The following PTPN21 variants were observed in gnomAD, a reference collection of about 807,000 sequenced individuals.
PTPN21 encodes tyrosine-protein phosphatase non-receptor type 21.
In PTPN21, 77 loss-of-function variants were observed where a neutral mutation model predicts 131.8. The observed-to-expected ratio is 0.58, with a 90% confidence interval of 0.49 to 0.71. PTPN21 has a LOEUF of 0.71. PTPN21 is among the 30% of genes least tolerant of loss of function. The pLI is 0.00. For missense variants in PTPN21, 1,552 were observed against 1,527.1 expected (o/e 1.02, Z -0.27); for synonymous variants, 715 against 621.3 (o/e 1.15, Z -2.24).
At chr14:88,496,922 GCTTA>G (rs2077926750) in intron 9 of PTPN21, among the ~76,000 whole-genome samples, 1 of 152,122 alleles carries the variant, frequency 6.6e-6, no homozygotes, top group African/African-American at 2.4e-5. Context: ...AGATATCAGT[GCTTA>G]CTTTCTCCCC....
chr14:88,468,133 G>A lies in PTPN21; in HGVS notation c.*4C>T. On this transcript the variant is annotated 3_prime_UTR_variant, in exon 19 of 19. Transcript: ENST00000556564. ...TGACTGGCCCCGTAAGAAATTGTGG[G>A]AGCTTAGATGAGCCTGGAGCTTTTC... 1.2e-6 allele frequency: 2 copies of A among 1,613,994 alleles called. No individual in the cohort carries two copies. Among genetic ancestry groups the A allele is most frequent in the African/African-American group, 1.3e-5 (1 of 75,048 alleles).
chr14:88,469,003 C>A lies in PTPN21; in HGVS notation c.3309G>T (p.Pro1103=), dbSNP rs150207988. Residue 1103 remains proline, a synonymous_variant, in exon 18 of 19, where the codon CCG becomes CCT. Coordinates refer to ENST00000556564, the MANE Select transcript of PTPN21 (RefSeq NM_007039.4). The surrounding 1 kb of genome is among the most constrained non-coding windows in gnomAD (Gnocchi z 4.3). The part of the protein sequence containing the change: ...STSDPQSPNP[P]LLVHCSAGVG... ...CCCCAGCACTGCAGTGGACCAACAA[C>A]GGAGGGTTGGGGCTTTGGGGATCAC... 9.3e-6 allele frequency: 15 copies of A among 1,614,162 alleles called. 1 individual carries two copies. In the South Asian group the frequency reaches 1.6e-4, roughly 18 times the overall value.
chr14:88,475,448 G>C (rs928430713), intron 13 of PTPN21, among the ~76,000 whole-genome samples: 3 of 152,128 alleles, frequency 2.0e-5, no homozygotes, highest in Non-Finnish European at 2.9e-5. Flanking sequence ...CAGAGGCCTG[G>C]GTTCACATCT....
chr14:88,491,086 A>AAT (rs1595364295), intron 10 of PTPN21, among the ~76,000 whole-genome samples: 1 of 152,202 alleles, frequency 6.6e-6, no homozygotes, highest in East Asian at 1.9e-4. Flanking sequence ...ACCATAAAGG[A>AAT]ATATTAAGTA....
chr14:88,541,447 CAAG>C (rs2078704252), intron 2 of PTPN21, among the ~76,000 whole-genome samples: 1 of 152,172 alleles, frequency 6.6e-6, no homozygotes, highest in Non-Finnish European at 1.5e-5. Flanking sequence ...GTGTATCTGA[CAAG>C]AAGAATGATA....
chr14:88,547,886 T>C (rs963660546), intron 2 of PTPN21, among the ~76,000 whole-genome samples: 2 of 152,276 alleles, frequency 1.3e-5, no homozygotes, highest in Admixed American at 1.3e-4. Flanking sequence ...CCCTCTAACC[T>C]GGATCTCATG....
chr14:88,536,020 A>G (rs1025018436), intron 2 of PTPN21, among the ~76,000 whole-genome samples: 1 of 152,224 alleles, frequency 6.6e-6, no homozygotes, highest in African/African-American at 2.4e-5. Context: ...TTTCCTGATA[A>G]GAAACTTTAC....
In PTPN21 at chr14:88,469,386, G is replaced by GCT; in HGVS notation, c.3235+112_3235+113insAG. 2.1e-6 allele frequency: 2 copies of GCT among 970,852 alleles called. No homozygotes were observed. The highest frequency in any genetic ancestry group is 3.1e-6 in the Non-Finnish European group (2 of 653,234). The allele number at this position is 970,852 out of a possible 1,614,324, so 60.1% of individuals were successfully genotyped here. ...ACTTGTATTCTTTATGTTAAAACAA[G>GCT]TCCGAAGCTTATATGAGATAACATA... On this transcript the variant is annotated intron_variant, in intron 17 of 18. Coordinates refer to ENST00000556564, the MANE Select transcript of PTPN21 (RefSeq NM_007039.4). This position sits in a 1 kb window ranked among gnomAD's most constrained non-coding sequence, Gnocchi z 4.3.
rs1454668211 is a variant in PTPN21, at chr14:88,503,177, C to T, written c.587+1248G>A. On this transcript the variant is annotated intron_variant, in intron 6 of 18. Coordinates refer to ENST00000556564, the MANE Select transcript of PTPN21 (RefSeq NM_007039.4). The stretch of plus-strand genomic sequence containing the variant: ...CAGCCTTCTGAGTAGCTGAGACTAC[C>T]GGTGCATGCCACCACACCTGGCTAA... 4.0e-5 allele frequency among the ~76,000 whole-genome samples: 6 copies of T among 151,858 alleles called. No homozygotes were observed. The South Asian group carries it at 6.2e-4, about 16-fold the overall frequency.
At chr14:88,492,454 G>A (rs937933016) in intron 10 of PTPN21, among the ~76,000 whole-genome samples, 3 of 152,168 alleles carry the variant, frequency 2.0e-5, no homozygotes, top group African/African-American at 4.8e-5. Flanking sequence ...AAGAAAGCAG[G>A]TTCCTCCTCC....
rs78761178 is a variant in PTPN21 at position 88,550,903 on chromosome 14, A to G, written c.-202-284T>C. On this transcript the variant is annotated intron_variant, in intron 1 of 18. Transcript: ENST00000556564. ...GCACTACTATAATCCCAAATTTTGT[A>G]GTTAGTAATTGTGATCCTCTTCCTA... Among the ~76,000 whole-genome samples the G allele has an allele frequency of 5.9e-3, 902 of 152,324 alleles. 19 individuals carry two copies. The South Asian group carries it at 0.066, about 11-fold the overall frequency.
At chr14:88,517,433 T>C (rs2078290798) in intron 2 of PTPN21, among the ~76,000 whole-genome samples, 172 bp from the exon 3 acceptor site, 1 of 152,110 alleles carries the variant, frequency 6.6e-6, no homozygotes, top group Non-Finnish European at 1.5e-5. Context: ...AAGACCTATC[T>C]GTAACTAGCT....
rs148149020 is a variant in PTPN21 at position 88,539,228 on chromosome 14, C to T, written c.180+11010G>A. Among the ~76,000 whole-genome samples, 71 of 150,682 alleles carry T rather than the reference C, an allele frequency of 4.7e-4. 3 individuals are homozygous for T. The East Asian group carries it at 0.011, about 24-fold the overall frequency. ...CTTCCCGAGTAGCTGAGATTACAGG[C>T]GACTGCCACCACGCCCGGTTAATTT... On this transcript the variant is annotated intron_variant, in intron 2 of 18. Transcript: ENST00000556564.
In PTPN21 at chr14:88,511,657, CAAG is replaced by C. The variant is rs535812727; in HGVS notation, c.351-3640_351-3638del. Among the ~76,000 whole-genome samples, 8 of 152,028 alleles carry C rather than the reference CAAG, an allele frequency of 5.3e-5. No homozygotes were observed. In the South Asian group the frequency reaches 1.7e-3, roughly 32 times the overall value. ...GCACTCCAGCCTGGCAACCAAGCAA[CAAG>C]AAGAATGAAATAACAGGAAAAAAAC... On this transcript the variant is annotated intron_variant, in intron 3 of 18. Transcript: ENST00000556564.
At chr14:88,487,523 T>C (rs1158990671) in intron 10 of PTPN21, among the ~76,000 whole-genome samples, 6 of 152,118 alleles carry the variant, frequency 3.9e-5, no homozygotes. Context: ...TAGCTTATTT[T>C]TATAAGACTC....
At chr14:88,509,297 G>C (rs1276855702) in intron 3 of PTPN21, among the ~76,000 whole-genome samples, 1 of 152,154 alleles carries the variant, frequency 6.6e-6, no homozygotes, top group African/African-American at 2.4e-5. Context: ...GCAGTCTATG[G>C]AGCCATCTGG....
intron 2 of PTPN21, among the ~76,000 whole-genome samples, chr14:88,517,999 T>A (rs1355344263): frequency 6.8e-6 from 1 of 147,878 alleles, no homozygotes; most frequent in African/African-American, 2.5e-5. Context: ...AAAATCTGCA[T>A]ATAAAATTGA....
intron 15 of PTPN21, among the ~76,000 whole-genome samples, chr14:88,471,949 T>C (rs1000583807): frequency 2.1e-4 from 31 of 150,152 alleles, no homozygotes; most frequent in African/African-American, 6.3e-4. Context: ...GGCAAATAAG[T>C]GCGCCCTGAG....
chr14:88,519,151 G>T lies in PTPN21; in HGVS notation c.181-1890C>A, dbSNP rs558187510. Among the ~76,000 whole-genome samples the T allele has an allele frequency of 2.0e-5, 3 of 152,250 alleles. No individual in the cohort carries two copies. In the East Asian group the frequency reaches 5.8e-4, roughly 29 times the overall value. ...AAACTGTTAAGATAAATCAATACTA[G>T]CCCTGGGCCTGGTCAACCTGAAAGG... is the stretch of plus-strand genomic sequence containing the variant. On this transcript the variant is annotated intron_variant, in intron 2 of 18. Transcript: ENST00000556564.
Sources: allele counts gnomAD v4.1 joint callset (sites outside exome capture counted in the v4.1 genomes callset), GRCh38; gene constraint gnomAD v4.1.1; non-coding constraint Gnocchi (gnomAD v3.1); transcripts MANE v1.5; gene names NCBI Gene and HGNC (gene_info 2026-07-23, HGNC 2026-07-21).